The following EML2 variants were observed in gnomAD, a reference collection of about 807,000 sequenced individuals.
EML2 encodes EMAP like 2, also known as echinoderm microtubule-associated protein-like 2.
In EML2, 59 loss-of-function variants were observed where a neutral mutation model predicts 84.7. That is an observed-to-expected ratio of 0.70 (90% CI 0.56 to 0.86). The LOEUF is 0.86. Ranked by LOEUF, EML2 falls within the 40% of genes least tolerant of loss-of-function variation. The pLI is 0.00. For missense variants in EML2, 818 were observed against 855.6 expected (o/e 0.96, Z 0.55); for synonymous variants, 352 against 348.9 (o/e 1.01, Z -0.10).
intron 15 of EML2, chr19:45,616,259 G>T (rs1487276617): frequency 1.4e-5 from 8 of 565,802 alleles, no homozygotes; most frequent in Non-Finnish European, 9.5e-6. Context: ...GATGGGCTTA[G>T]CACGTGGGGG....
At position 45,617,681 on chromosome 19, in the gene EML2, G is replaced by A; in HGVS notation, c.1271C>T (p.Ala424Val). The A allele has an allele frequency of 6.2e-7, 1 of 1,613,808 alleles. No homozygotes were observed. Among genetic ancestry groups the A allele is most frequent in the Non-Finnish European group, 8.5e-7 (1 of 1,179,888 alleles). ...GACAGAGCCACTGGGGTGGAAGCCG[G>A]CTGAGCGGGCAGGGTCCTGAGAAGG... is the stretch of plus-strand genomic sequence containing the variant. ...SRIIEDPARS[A>V]GFHPSGSVLA... The change falls in exon 13 of 19, where the codon GCC (alanine) becomes GTC (valine). Residue 424 changes from alanine to valine, a missense_variant. Transcript: ENST00000245925.
At chr19:45,626,267 C>A (rs1201439621) in intron 8 of EML2, among the ~76,000 whole-genome samples, 1 of 152,162 alleles carries the variant, frequency 6.6e-6, no homozygotes, top group African/African-American at 2.4e-5. Context: ...CCCCCTCAGC[C>A]TCCCAAAATG....
intron 15 of EML2, 170 bp from the exon 16 acceptor site, chr19:45,616,059 C>G (rs935140337): frequency 3.2e-6 from 2 of 626,068 alleles, no homozygotes; most frequent in African/African-American, 3.6e-5. Context: ...GGCCAGAATA[C>G]TGTGGGCGGG....
intron 1 of EML2, 147 bp from the exon 2 acceptor site, chr19:45,639,020 C>G (rs779437713): frequency 1.0e-6 from 1 of 968,110 alleles, no homozygotes; most frequent in Non-Finnish European, 1.7e-6. Flanking sequence ...CTCTGCAGGC[C>G]GTGTGCTTTG....
chr19:45,645,479 C>T, upstream of EML2: 15 of 1,401,544 alleles, frequency 1.1e-5, no homozygotes, highest in South Asian at 1.8e-4. Context: ...AGGCGGCCGG[C>T]GCCGGGCCCG....
chr19:45,638,929 G>C, intron 1 of EML2, 56 bp from the exon 2 acceptor site: 7 of 1,604,632 alleles, frequency 4.4e-6, no homozygotes, highest in Non-Finnish European at 6.0e-6. Flanking sequence ...TCAGAAAAGG[G>C]GAGAAACCAT....
Position 45,616,472 on chromosome 19 carries a change from C to T in EML2, c.1498G>A (p.Gly500Ser), listed in dbSNP as rs1394820619. The T allele has an allele frequency of 1.3e-6, 2 of 1,589,736 alleles. No individual in the cohort carries two copies. The highest frequency in any genetic ancestry group is 1.7e-6 in the Non-Finnish European group (2 of 1,162,144). ...CACTGCCCACTCACCGAGCACTTGC[C>T]CAGGCGGCTGACCTTGCGGCCGCCC... ...DQGGRKVSRL[G>S]KCSGHSSFIT... is the part of the protein sequence containing the mutation. Residue 500 changes from glycine (G) to serine (S), a missense_variant, in exon 15 of 19, where the codon GGC becomes AGC. Physicochemically the swap from Gly to Ser is moderately conservative, Grantham distance 56. Transcript: ENST00000245925.
At chr19:45,633,664 A>G (rs1427440965) in intron 4 of EML2, among the ~76,000 whole-genome samples, 10 of 152,160 alleles carry the variant, frequency 6.6e-5, no homozygotes, top group African/African-American at 2.4e-5. Flanking sequence ...GCTTGAACCC[A>G]GGAGCGGAGG....
At chr19:45,631,665 C>A (rs987213702) in intron 6 of EML2, among the ~76,000 whole-genome samples, 1 of 151,598 alleles carries the variant, frequency 6.6e-6, no homozygotes, top group African/African-American at 2.4e-5. Context: ...ATCTTGGCCT[C>A]CCAAAGTGCT....
At position 45,615,341 on chromosome 19, in the gene EML2, C is replaced by CA. The variant is rs67284307; in HGVS notation, c.1597+460dup. 4.0e-3 allele frequency among the ~76,000 whole-genome samples: 538 copies of CA among 135,058 alleles called. 1 individual carries two copies. Among genetic ancestry groups the CA allele is most frequent in the African/African-American group, 0.012 (426 of 36,078 alleles). 88.6% of individuals were successfully genotyped at this position (135,058 alleles called of 152,430 possible). On this transcript the variant is annotated intron_variant, in intron 16 of 18. Transcript: ENST00000245925. Reference sequence around the variant, plus strand: ...GGAGACAAGAGGGAAACTCCCATCTCAAAAAAAAAAAAATACAAATACAAA... The same window carrying CA: ...GGAGACAAGAGGGAAACTCCCATCTCAAAAAAAAAAAAAATACAAATACAAA...
chr19:45,617,829 C>A, intron 12 of EML2, 132 bp from the exon 13 acceptor site: 2 of 672,628 alleles, frequency 3.0e-6, no homozygotes, highest in South Asian at 2.0e-5. Flanking sequence ...TTTGGGACAC[C>A]CCCACCCCAG....
chr19:45,626,594 G>T, intron 8 of EML2, 111 bp downstream of exon 8: 1 of 1,234,336 alleles, frequency 8.1e-7, no homozygotes, highest in Non-Finnish European at 1.1e-6. Flanking sequence ...ACATCTCAGC[G>T]TCCCTGTAAT....
chr19:45,628,845 AAG>A (rs1568466520), intron 7 of EML2: 27 of 150,874 alleles, frequency 1.8e-4, no homozygotes, highest in African/African-American at 5.9e-4. Flanking sequence ...GTAAGTAAGT[AAG>A]TAAGTAAGTA....
At chr19:45,613,443 G>A in intron 18 of EML2, 98 bp downstream of exon 18, 4 of 1,441,392 alleles carry the variant, frequency 2.8e-6, no homozygotes, top group Middle Eastern at 1.8e-4. Flanking sequence ...GGGAAACCGA[G>A]GCTCAGAGAA....
At chr19:45,637,667 CTTTTTTTTTTTTTTTTT>C in intron 3 of EML2, among the ~76,000 whole-genome samples, 1 of 48,918 alleles carries the variant, frequency 2.0e-5, no homozygotes, top group East Asian at 6.5e-4. Context: ...TTTTTCTTTT[CTTTTTTTTTTTTTTTTT>C]TTTTTTTTTG....
At position 45,616,500 on chromosome 19, in the gene EML2, G is replaced by T; in HGVS notation, c.1470C>A (p.Asp490Glu). 6.2e-7 allele frequency: 1 copy of T among 1,603,236 alleles called. No homozygotes were observed. The highest frequency in any genetic ancestry group is 1.3e-5 in the African/African-American group (1 of 74,816). Residue 490 changes from aspartate (D) to glutamate (E), a missense_variant, in exon 15 of 19, where the codon GAC becomes GAA. Asp to Glu is a conservative substitution (Grantham distance 45). Coordinates refer to ENST00000245925, the MANE Select transcript of EML2 (RefSeq NM_012155.4). ...GGCGGCTGACCTTGCGGCCGCCCTG[G>T]TCCACCGTGTACACGTACACCAAGT... is the stretch of plus-strand genomic sequence containing the variant. ...HDNLVYVYTV[D>E]QGGRKVSRLG... is the part of the protein sequence containing the mutation.
At chr19:45,634,127 A>G (rs980079281) in intron 4 of EML2, among the ~76,000 whole-genome samples, 195 bp downstream of exon 4, 1 of 152,156 alleles carries the variant, frequency 6.6e-6, no homozygotes, top group African/African-American at 2.4e-5. Context: ...TGAAATATTG[A>G]AATATTGATA....
upstream of EML2, chr19:45,642,174 G>A (rs1029505684): frequency 1.3e-6 from 2 of 1,528,862 alleles, no homozygotes; most frequent in Non-Finnish European, 1.7e-6. Context: ...CCCGGCCCTT[G>A]GGGGTGCCCC....
intron 6 of EML2, 83 bp downstream of exon 6, chr19:45,632,778 C>T: frequency 5.6e-6 from 7 of 1,243,080 alleles, no homozygotes; most frequent in Non-Finnish European, 8.0e-6. Context: ...CGGCCCTCAA[C>T]CCAAGGGGCG....
Sources: allele counts gnomAD v4.1 joint callset (sites outside exome capture counted in the v4.1 genomes callset), GRCh38; gene constraint gnomAD v4.1.1; transcripts MANE v1.5; gene names NCBI Gene and HGNC (gene_info 2026-07-23, HGNC 2026-07-21).